CNTNAP2: variants seen among roughly 807,000 people sequenced by gnomAD.
The protein encoded by CNTNAP2 is contactin associated protein 2.
In CNTNAP2, 98 loss-of-function variants were observed where a neutral mutation model predicts 155.2. The ratio of observed to expected loss-of-function variants is 0.63; its 90% confidence interval spans 0.54 to 0.75. The LOEUF is 0.75. CNTNAP2 is among the 30% of genes least tolerant of loss of function. CNTNAP2 has a pLI of 0.00. For missense variants in CNTNAP2, 1,727 were observed against 1,688.1 expected (o/e 1.02, Z -0.40); for synonymous variants, 651 against 631.2 (o/e 1.03, Z -0.47).
chr7:148,087,809 G>A (rs1346486761), intron 15 of CNTNAP2, among the ~76,000 whole-genome samples: 1 of 152,074 alleles, frequency 6.6e-6, no homozygotes, highest in Non-Finnish European at 1.5e-5. Flanking sequence ...TTGATGGTAA[G>A]TAAAACCAGT....
At chr7:148,286,864 C>G (rs1465147822) in intron 21 of CNTNAP2, among the ~76,000 whole-genome samples, 1 of 152,170 alleles carries the variant, frequency 6.6e-6, no homozygotes, top group Non-Finnish European at 1.5e-5. Context: ...CTCACCCCTC[C>G]CCACGTTATA....
chr7:147,117,245 A>G (rs1801009898), intron 5 of CNTNAP2, among the ~76,000 whole-genome samples: 1 of 152,106 alleles, frequency 6.6e-6, no homozygotes, highest in Non-Finnish European at 1.5e-5. Context: ...TGTTCTGCCA[A>G]GACTCCACAC....
intron 3 of CNTNAP2, among the ~76,000 whole-genome samples, chr7:146,923,923 G>A (rs1381383029): frequency 2.0e-5 from 3 of 152,050 alleles, no homozygotes; most frequent in Non-Finnish European, 2.9e-5. Flanking sequence ...CTCAGGAGGT[G>A]GGTCACAGAA....
intron 3 of CNTNAP2, among the ~76,000 whole-genome samples, chr7:146,922,763 A>G (rs1305063144): frequency 6.6e-6 from 1 of 152,166 alleles, no homozygotes; most frequent in Non-Finnish European, 1.5e-5. Context: ...TCTTTTTGAA[A>G]ATAAAATGAG....
At chr7:146,290,222 C>T (rs1257033164) in intron 1 of CNTNAP2, among the ~76,000 whole-genome samples, 1 of 152,118 alleles carries the variant, frequency 6.6e-6, no homozygotes, top group Admixed American at 6.5e-5. Flanking sequence ...ATCCCCAGGC[C>T]TGGGTAATTT....
chr7:147,206,790 C>T (rs1584792892), intron 8 of CNTNAP2, among the ~76,000 whole-genome samples: 1 of 152,034 alleles, frequency 6.6e-6, no homozygotes, highest in Non-Finnish European at 1.5e-5. Context: ...CAAAACAGGA[C>T]TTAACTTAGA....
At chr7:148,410,712 TG>T (rs1799816561) in intron 23 of CNTNAP2, among the ~76,000 whole-genome samples, 1 of 152,020 alleles carries the variant, frequency 6.6e-6, no homozygotes, top group South Asian at 2.1e-4. Flanking sequence ...ATATTCTCAC[TG>T]ATACACAGGA....
intron 10 of CNTNAP2, among the ~76,000 whole-genome samples, chr7:147,453,199 C>T (rs7806707): frequency 0.77 from 116,779 of 151,994 alleles, 45,090 homozygotes; most frequent in African/African-American, 0.85. Flanking sequence ...GGTCTCATAG[C>T]TGCCTATTTA....
At chr7:146,840,063 C>T (rs1180613027) in intron 3 of CNTNAP2, among the ~76,000 whole-genome samples, 159 bp downstream of exon 3, 1 of 152,104 alleles carries the variant, frequency 6.6e-6, no homozygotes, top group Non-Finnish European at 1.5e-5. Flanking sequence ...TTTCTTCAGG[C>T]TGTAATTTCT....
At chr7:147,037,095 G>C (rs1206635275) in intron 3 of CNTNAP2, among the ~76,000 whole-genome samples, 1 of 152,078 alleles carries the variant, frequency 6.6e-6, no homozygotes, top group Non-Finnish European at 1.5e-5. Context: ...AAAGAAGCTT[G>C]ATTTAGGTAA....
intron 10 of CNTNAP2, among the ~76,000 whole-genome samples, chr7:147,421,579 T>C (rs1222702216): frequency 1.4e-5 from 1 of 70,918 alleles, no homozygotes; most frequent in Non-Finnish European, 2.8e-5. Context: ...GGTATGTCTA[T>C]CTAATCTGTG....
intron 20 of CNTNAP2, among the ~76,000 whole-genome samples, chr7:148,244,138 TC>T (rs1247101391): frequency 6.6e-6 from 1 of 152,240 alleles, no homozygotes; most frequent in African/African-American, 2.4e-5. Flanking sequence ...GGTTCATTTG[TC>T]TTTTAAGGAA....
intron 1 of CNTNAP2, among the ~76,000 whole-genome samples, chr7:146,560,958 A>G (rs1798270604): frequency 6.6e-6 from 1 of 152,196 alleles, no homozygotes; most frequent in Non-Finnish European, 1.5e-5. Context: ...TGCTGGAACA[A>G]TTCCAGCCTT....
chr7:147,916,013 G>A (rs905389359), intron 14 of CNTNAP2, among the ~76,000 whole-genome samples: 2 of 152,128 alleles, frequency 1.3e-5, no homozygotes, highest in African/African-American at 2.4e-5. Context: ...TTAATATGTG[G>A]GTCAGGGTTA....
At chr7:146,840,403 C>G (rs1803697954) in intron 3 of CNTNAP2, among the ~76,000 whole-genome samples, 1 of 152,102 alleles carries the variant, frequency 6.6e-6, no homozygotes, top group African/African-American at 2.4e-5. Flanking sequence ...GAGAATAAAG[C>G]TTAACCCATT....
chr7:146,882,225 G>A (rs140575241), intron 3 of CNTNAP2, among the ~76,000 whole-genome samples: 3 of 152,130 alleles, frequency 2.0e-5, no homozygotes, highest in Non-Finnish European at 4.4e-5. Flanking sequence ...TAGGCACGTG[G>A]GTTGATTCCA....
intron 13 of CNTNAP2, among the ~76,000 whole-genome samples, chr7:147,757,818 A>C (rs2116513688): frequency 6.6e-6 from 1 of 152,290 alleles, no homozygotes; most frequent in Non-Finnish European, 1.5e-5. Context: ...TTATGAACAT[A>C]TGGCAAATGT....
At chr7:146,217,506 T>A (rs2116891470) in intron 1 of CNTNAP2, among the ~76,000 whole-genome samples, 1 of 152,284 alleles carries the variant, frequency 6.6e-6, no homozygotes, top group Non-Finnish European at 1.5e-5. Flanking sequence ...CTTATTATTA[T>A]CCACACGTAT....
At chr7:146,487,370 C>G (rs1009243547) in intron 1 of CNTNAP2, among the ~76,000 whole-genome samples, 2 of 152,130 alleles carry the variant, frequency 1.3e-5, no homozygotes, top group Admixed American at 1.3e-4. Flanking sequence ...GAAATAAAAA[C>G]GCTAAGAAAT....
Sources: allele counts gnomAD v4.1 joint callset (sites outside exome capture counted in the v4.1 genomes callset), GRCh38; gene constraint gnomAD v4.1.1; transcripts MANE v1.5; gene names NCBI Gene and HGNC (gene_info 2026-07-23, HGNC 2026-07-21).